PDE2A: variants seen among roughly 807,000 people sequenced by gnomAD.
The protein encoded by PDE2A is cGMP-dependent 3',5'-cyclic phosphodiesterase.
Under a neutral mutation model 133.6 loss-of-function variants are expected in PDE2A, and 53 were observed. The observed-to-expected ratio is 0.40, with a 90% CI of 0.32 to 0.50. The LOEUF is 0.50. PDE2A is among the 20% of genes least tolerant of loss of function. PDE2A has a pLI of 0.73. For missense variants in PDE2A, 796 were observed against 1,232.4 expected (o/e 0.65, Z 5.30); for synonymous variants, 491 against 490.2 (o/e 1.00, Z -0.02).
chr11:72,618,735 C>G (rs1043120613), intron 2 of PDE2A, among the ~76,000 whole-genome samples: 2 of 152,200 alleles, frequency 1.3e-5, no homozygotes, highest in African/African-American at 4.8e-5. Context: ...GAGCCAAGCC[C>G]CAGAGAGGGG....
intron 1 of PDE2A, among the ~76,000 whole-genome samples, chr11:72,667,820 G>A (rs1855280032): frequency 6.7e-6 from 1 of 150,308 alleles, no homozygotes; most frequent in Non-Finnish European, 1.5e-5. Context: ...AGGCTGCAGT[G>A]AGCTATTATG....
rs934532897 is a variant in PDE2A, at chr11:72,576,334, G to C, written c.*1050C>G. ...GAAAAAGAGAGAAGCCAGTGGCCGGGCTGACCCAAGAGTCCCGGCCCTATG... is the reference window on the plus strand; with the variant it reads ...GAAAAAGAGAGAAGCCAGTGGCCGGCCTGACCCAAGAGTCCCGGCCCTATG... On this transcript the variant is annotated 3_prime_UTR_variant, in exon 31 of 31. Coordinates refer to ENST00000334456, the MANE Select transcript of PDE2A (RefSeq NM_002599.5). 3.9e-5 allele frequency: 6 copies of C among 152,312 alleles called. No individual in the cohort carries two copies. Among genetic ancestry groups the C allele is most frequent in the African/African-American group, 1.2e-4 (5 of 41,444 alleles). 9.4% of individuals were successfully genotyped at this position (152,312 alleles called of 1,614,324 possible).
intron 1 of PDE2A, among the ~76,000 whole-genome samples, chr11:72,650,879 ACACACACACACACACAC>A (rs1854719698): frequency 5.0e-5 from 1 of 19,914 alleles, no homozygotes; most frequent in Non-Finnish European, 8.9e-5. Context: ...TCCCCACTAC[ACACACACACACACACAC>A]ACACACACAC....
chr11:72,589,333 G>T lies in PDE2A; in HGVS notation c.874-93C>A, dbSNP rs575187819. On this transcript the variant is annotated intron_variant, in intron 11 of 30. Coordinates refer to ENST00000334456, the MANE Select transcript of PDE2A (RefSeq NM_002599.5). The stretch of plus-strand genomic sequence containing the variant: ...CACCCTCAAATCTGGAAGTTTCAAA[G>T]AACCCTTCAGTCAGTCCAAATGGTG... The T allele has an allele frequency of 1.7e-5, 15 of 907,256 alleles. No homozygotes were observed. In the African/African-American group the frequency reaches 2.1e-4, roughly 13 times the overall value. 56.2% of individuals were successfully genotyped at this position (907,256 alleles called of 1,614,324 possible).
chr11:72,592,697 A>G (rs1295545034), intron 6 of PDE2A, among the ~76,000 whole-genome samples: 1 of 152,114 alleles, frequency 6.6e-6, no homozygotes, highest in East Asian at 1.9e-4. Flanking sequence ...GTTAGACTTT[A>G]GCCTGAGAGT....
intron 1 of PDE2A, among the ~76,000 whole-genome samples, chr11:72,670,691 G>A (rs1053600696): frequency 6.6e-6 from 1 of 152,094 alleles, no homozygotes; most frequent in Admixed American, 6.5e-5. Context: ...CTGCCTAGAT[G>A]TGTTCTTGCC....
intron 2 of PDE2A, among the ~76,000 whole-genome samples, chr11:72,622,895 T>C (rs1242815199): frequency 2.6e-5 from 4 of 152,050 alleles, no homozygotes; most frequent in African/African-American, 9.7e-5. Flanking sequence ...CAAAGGAAAA[T>C]GAAAGAACAG....
Position 72,578,212 on chromosome 11 carries a change from T to A in PDE2A, c.2615+21A>T. On this transcript the variant is annotated intron_variant, in intron 30 of 30. Transcript: ENST00000334456. The surrounding 1 kb of genome is among the most constrained non-coding windows in gnomAD (Gnocchi z 4.2). Reference sequence around the variant, plus strand: ...TACCCTCTCTGTGCAGGGTGCAGCTTGTCCCCATGAGCTCACTCACTTGTA... The same window carrying A: ...TACCCTCTCTGTGCAGGGTGCAGCTAGTCCCCATGAGCTCACTCACTTGTA... 6.9e-7 allele frequency: 1 copy of A among 1,452,694 alleles called. No homozygotes were observed. The highest frequency in any genetic ancestry group is 1.1e-5 in the South Asian group (1 of 88,104). 90.0% of individuals were successfully genotyped at this position (1,452,694 alleles called of 1,614,324 possible).
chr11:72,626,581 C>T (rs1000467569), intron 2 of PDE2A, among the ~76,000 whole-genome samples: 3 of 152,196 alleles, frequency 2.0e-5, no homozygotes, highest in African/African-American at 7.2e-5. Context: ...CCAGCCTCAC[C>T]CCAGGACTTG....
At chr11:72,606,158 C>G (rs1048291601) in intron 3 of PDE2A, among the ~76,000 whole-genome samples, 7 of 151,908 alleles carry the variant, frequency 4.6e-5, no homozygotes, top group African/African-American at 1.7e-4. Context: ...CCTCACTGAC[C>G]TACAGGCAAA....
In PDE2A at chr11:72,590,919, G is replaced by A. The variant is rs1591032714; in HGVS notation, c.550-339C>T. 2 of 357,560 alleles carry A rather than the reference G, an allele frequency of 5.6e-6. No homozygotes were observed. The highest frequency in any genetic ancestry group is 1.0e-5 in the Non-Finnish European group (2 of 200,388). 22.1% of individuals were successfully genotyped at this position (357,560 alleles called of 1,614,324 possible). On this transcript the variant is annotated intron_variant, in intron 7 of 30. Transcript: ENST00000334456. This position sits in a 1 kb window ranked among gnomAD's most constrained non-coding sequence, Gnocchi z 4.8. ...AAAGTCACAAAATCATAAAGTCTCAGGCATGAAAGAGCCTCAGTATCATTA... is the reference window on the plus strand; with the variant it reads ...AAAGTCACAAAATCATAAAGTCTCAAGCATGAAAGAGCCTCAGTATCATTA...
chr11:72,609,567 C>T (rs1183137379), intron 2 of PDE2A, among the ~76,000 whole-genome samples: 1 of 152,224 alleles, frequency 6.6e-6, no homozygotes, highest in Non-Finnish European at 1.5e-5. Context: ...AGGAACAGAA[C>T]TCGTCCTTGC....
intron 2 of PDE2A, among the ~76,000 whole-genome samples, chr11:72,639,494 T>A (rs1591117308): frequency 6.6e-6 from 1 of 152,052 alleles, no homozygotes; most frequent in African/African-American, 2.4e-5. Flanking sequence ...CCTAAGCTGT[T>A]CTTACACCAA....
Position 72,576,467 on chromosome 11 carries a change from G to GC in PDE2A, c.*916dup, listed in dbSNP as rs1169356495. ...CTGCAGGAATGGGTAAGGGGCTCAGGCCAAGGGGAACACTCAGGGGGCCTC... is the reference window on the plus strand; with the variant it reads ...CTGCAGGAATGGGTAAGGGGCTCAGGCCCAAGGGGAACACTCAGGGGGCCTC... On this transcript the variant is annotated 3_prime_UTR_variant, in exon 31 of 31. Transcript: ENST00000334456. The GC allele has an allele frequency of 6.4e-6, 1 of 156,144 alleles. No individual in the cohort carries two copies. The highest frequency in any genetic ancestry group is 1.5e-5 in the Non-Finnish European group (1 of 68,360). The allele number at this position is 156,144 out of a possible 1,614,324, so 9.7% of individuals were successfully genotyped here.
chr11:72,659,030 A>G (rs750753232), intron 1 of PDE2A, among the ~76,000 whole-genome samples: 5 of 151,944 alleles, frequency 3.3e-5, no homozygotes, highest in African/African-American at 4.8e-5. Flanking sequence ...TAACCCACTC[A>G]ATCCTTATAA....
intron 4 of PDE2A, among the ~76,000 whole-genome samples, chr11:72,598,281 G>A (rs1353669252): frequency 1.3e-5 from 2 of 152,192 alleles, no homozygotes; most frequent in Non-Finnish European, 2.9e-5. Flanking sequence ...CAGGTAGGTG[G>A]CACCAGGGCT....
chr11:72,601,466 T>TCTCAAC (rs1248835911), intron 4 of PDE2A, among the ~76,000 whole-genome samples: 1 of 150,682 alleles, frequency 6.6e-6, no homozygotes, highest in Non-Finnish European at 1.5e-5. Context: ...CTAGGGATGG[T>TCTCAAC]CAGATTCTGC....
At chr11:72,659,508 C>T (rs564023595) in intron 1 of PDE2A, 3 of 152,022 alleles carry the variant, frequency 2.0e-5, no homozygotes, top group South Asian at 4.2e-4. Context: ...TACCTTAATC[C>T]CTCCCTGCTT....
chr11:72,579,543 G>A lies in PDE2A; in HGVS notation c.2247C>T (p.Phe749=), dbSNP rs1325932274. 2 of 1,606,740 alleles carry A rather than the reference G, an allele frequency of 1.2e-6. No individual in the cohort carries two copies. Among genetic ancestry groups the A allele is most frequent in the Non-Finnish European group, 1.7e-6 (2 of 1,174,926 alleles). The change falls in exon 26 of 31, where the codon TTC becomes TTT. Residue 749 remains phenylalanine (F), a synonymous_variant. Transcript: ENST00000334456. ...NTHGCNIFDH[F]SRKDYQRMLD... The stretch of plus-strand genomic sequence containing the variant: ...CCCCCAACCCCATCACCTTCCGGGA[G>A]AAATGATCAAAGATGTTGCAGCCGT...
Sources: allele counts gnomAD v4.1 joint callset (sites outside exome capture counted in the v4.1 genomes callset), GRCh38; gene constraint gnomAD v4.1.1; non-coding constraint Gnocchi (gnomAD v3.1); transcripts MANE v1.5; gene names NCBI Gene and HGNC (gene_info 2026-07-23, HGNC 2026-07-21).